Variants in C1QTNF7 observed in about 807,000 individuals in gnomAD.
C1QTNF7 encodes the protein complement C1q tumor necrosis factor-related protein 7.
Under a neutral mutation model 19.6 loss-of-function variants are expected in C1QTNF7, and 15 were observed. The ratio of observed to expected loss-of-function variants is 0.76; its 90% confidence interval spans 0.51 to 1.18. The LOEUF is 1.18. C1QTNF7 is among the 50% of genes most tolerant of loss of function. The pLI is 0.00. For synonymous variants in C1QTNF7, 142 were observed against 137.5 expected, an observed-to-expected ratio of 1.03 and a Z score of -0.23; for missense variants, 324 against 359.7, an observed-to-expected ratio of 0.90 and a Z score of 0.80.
At chr4:15,343,804 G>A (rs952172999) in intron 1 of C1QTNF7, among the ~76,000 whole-genome samples, 2 of 152,268 alleles carry the variant, frequency 1.3e-5, no homozygotes, top group East Asian at 1.9e-4. Flanking sequence ...GAATTGTGCC[G>A]ACTACAATAG....
chr4:15,340,104 T>C (rs1716487550), exon 1 of C1QTNF7: 17 of 1,416,458 alleles, frequency 1.2e-5, no homozygotes, highest in Non-Finnish European at 1.5e-5. Context: ...TAAACACATA[T>C]TTCTGCTTTA....
intron 1 of C1QTNF7, among the ~76,000 whole-genome samples, chr4:15,435,242 G>C (rs541287461): frequency 1.3e-5 from 2 of 152,192 alleles, no homozygotes. Context: ...ATTGTCAAGT[G>C]AAAGAAGTTA....
chr4:15,416,061 G>A (rs1408012595), intron 1 of C1QTNF7, among the ~76,000 whole-genome samples: 5 of 152,146 alleles, frequency 3.3e-5, no homozygotes, highest in Admixed American at 2.0e-4. Context: ...GGGTGAAAGT[G>A]TTGGGGAAAA....
intron 1 of C1QTNF7, among the ~76,000 whole-genome samples, chr4:15,356,906 G>T (rs917178096): frequency 6.8e-6 from 1 of 147,250 alleles, no homozygotes; most frequent in African/African-American, 2.5e-5. Context: ...TTTGAGAAGT[G>T]TCTGTTCATA....
intron 1 of C1QTNF7, among the ~76,000 whole-genome samples, chr4:15,404,311 C>G (rs575241189): frequency 6.6e-6 from 1 of 152,286 alleles, no homozygotes; most frequent in Admixed American, 6.5e-5. Flanking sequence ...TCCCTGAAGA[C>G]ACAAGCAGTT....
At chr4:15,430,876 A>G (rs990191936) in intron 1 of C1QTNF7, among the ~76,000 whole-genome samples, 2 of 152,234 alleles carry the variant, frequency 1.3e-5, no homozygotes, top group African/African-American at 4.8e-5. Context: ...GAAAAGCACA[A>G]GGATTCTTTT....
intron 2 of C1QTNF7, among the ~76,000 whole-genome samples, chr4:15,439,246 T>G (rs903240225): frequency 7.9e-5 from 12 of 152,214 alleles, no homozygotes; most frequent in African/African-American, 2.9e-4. Flanking sequence ...AGTCCATGAT[T>G]ATCTATCACC....
chr4:15,364,765 A>G (rs1577237024), intron 1 of C1QTNF7, among the ~76,000 whole-genome samples: 2 of 152,192 alleles, frequency 1.3e-5, no homozygotes, highest in South Asian at 2.1e-4. Flanking sequence ...GCATCATCCC[A>G]TTGCATCAGT....
chr4:15,408,879 C>G (rs1719300737), intron 1 of C1QTNF7, among the ~76,000 whole-genome samples: 1 of 152,154 alleles, frequency 6.6e-6, no homozygotes, highest in Non-Finnish European at 1.5e-5. Context: ...TGTTGAAGCC[C>G]TAACCCCAGC....
rs183908187 is a variant in C1QTNF7 at position 15,429,708 on chromosome 4, C to T, written c.-9+1602C>T. On this transcript the variant is annotated intron_variant, in intron 1 of 2. Transcript: ENST00000444304. ...GCTGCAGATATGGCTATGCAAATAT[C>T]TGTTTGAGTCCTTGCTGCTACGAAC... is the stretch of plus-strand genomic sequence containing the variant. Among the ~76,000 whole-genome samples the T allele has an allele frequency of 5.9e-5, 9 of 152,218 alleles. No homozygotes were observed. The East Asian group carries it at 1.7e-3, about 29-fold the overall frequency.
In C1QTNF7 at chr4:15,431,218, C is replaced by T. The variant is rs571025750; in HGVS notation, c.-9+3112C>T. ...TCTATATGATGGATTTTTTTAGCCA[C>T]TAAATAAAAAAGGACAAGACAGCTC... is the stretch of plus-strand genomic sequence containing the variant. On this transcript the variant is annotated intron_variant, in intron 1 of 2. Coordinates refer to ENST00000444304, the MANE Select transcript of C1QTNF7 (RefSeq NM_031911.5). Among the ~76,000 whole-genome samples, 5 of 150,918 alleles carry T rather than the reference C, an allele frequency of 3.3e-5. No homozygotes were observed. In the South Asian group the frequency reaches 6.3e-4, roughly 19 times the overall value.
intron 1 of C1QTNF7, among the ~76,000 whole-genome samples, chr4:15,416,750 T>A (rs1433070914): frequency 1.3e-5 from 2 of 152,226 alleles, no homozygotes; most frequent in African/African-American, 2.4e-5. Context: ...TTGTTAGATC[T>A]CAGGTTAGCA....
At chr4:15,371,568 T>C (rs1278644851) in intron 1 of C1QTNF7, among the ~76,000 whole-genome samples, 1 of 152,154 alleles carries the variant, frequency 6.6e-6, no homozygotes, top group Non-Finnish European at 1.5e-5. Flanking sequence ...AATATATACC[T>C]ATTGCTATAA....
chr4:15,355,354 A>G (rs1480713006), intron 1 of C1QTNF7, among the ~76,000 whole-genome samples: 1 of 152,126 alleles, frequency 6.6e-6, no homozygotes, highest in Non-Finnish European at 1.5e-5. Context: ...AGAAATAGAG[A>G]TTTCTATGTG....
rs755160883 is a variant in C1QTNF7, at chr4:15,442,390, T to C, written c.461T>C (p.Ile154Thr). Residue 154 changes from isoleucine (I) to threonine (T), a missense_variant, in exon 3 of 3, where the codon ATC (isoleucine) becomes ACC (threonine). Ile to Thr is a moderately conservative substitution (Grantham distance 89). Coordinates refer to ENST00000444304, the MANE Select transcript of C1QTNF7 (RefSeq NM_031911.5). ...CTCAAATCCGCCTTTTCTGTTGGCATCACAACCAGCTACCCAGAAGAAAGA... is the reference window on the plus strand; with the variant it reads ...CTCAAATCCGCCTTTTCTGTTGGCACCACAACCAGCTACCCAGAAGAAAGA... ...IVLKSAFSVG[I>T]TTSYPEERLP... 1 of 1,614,192 alleles carries C rather than the reference T, an allele frequency of 6.2e-7. No individual in the cohort carries two copies. The highest frequency in any genetic ancestry group is 1.1e-5 in the South Asian group (1 of 91,086).
At chr4:15,434,173 T>C (rs1284858574) in intron 1 of C1QTNF7, among the ~76,000 whole-genome samples, 1 of 152,168 alleles carries the variant, frequency 6.6e-6, no homozygotes, top group Non-Finnish European at 1.5e-5. Context: ...CCTTGCTTTT[T>C]TTTTTTCAAC....
At chr4:15,344,095 C>T (rs1716636172) in intron 1 of C1QTNF7, among the ~76,000 whole-genome samples, 1 of 152,174 alleles carries the variant, frequency 6.6e-6, no homozygotes, top group Admixed American at 6.5e-5. Flanking sequence ...TGAGCAAAAA[C>T]ACAGGAGACT....
chr4:15,341,457 A>T (rs1357759643), intron 1 of C1QTNF7, among the ~76,000 whole-genome samples: 2 of 152,174 alleles, frequency 1.3e-5, no homozygotes, highest in Non-Finnish European at 2.9e-5. Context: ...TCATGGTCTC[A>T]ACGATAAGAA....
chr4:15,439,285 A>G (rs890649646), intron 2 of C1QTNF7, among the ~76,000 whole-genome samples: 5 of 152,246 alleles, frequency 3.3e-5, no homozygotes, highest in East Asian at 1.9e-4. Flanking sequence ...AAACATTACT[A>G]TAGAAAATCC....
Sources: gnomAD v4.1 joint callset for allele counts (sites outside exome capture counted in the v4.1 genomes callset) on GRCh38, gnomAD v4.1.1 for gene constraint, MANE v1.5 for transcripts, NCBI Gene and HGNC (gene_info 2026-07-23, HGNC 2026-07-21) for gene names.